Variants in KCNIP4 observed in about 807,000 individuals in gnomAD.
KCNIP4 encodes the protein Kv channel-interacting protein 4.
A neutral mutation model predicts 34.0 loss-of-function variants in KCNIP4; 12 were observed. The ratio of observed to expected loss-of-function variants is 0.35; its 90% CI spans 0.23 to 0.57. The LOEUF is 0.57. KCNIP4 is among the 20% of genes least tolerant of loss of function. The probability of loss-of-function intolerance (pLI) is 0.83; values close to 1 mark genes in which losing one functional copy is unlikely to be tolerated. For missense variants in KCNIP4, 238 were observed against 311.7 expected (o/e 0.76, Z 1.78); for synonymous variants, 124 against 102.2 (o/e 1.21, Z -1.29).
intron 1 of KCNIP4, among the ~76,000 whole-genome samples, chr4:21,339,314 T>C (rs963031088): frequency 3.9e-5 from 6 of 152,198 alleles, no homozygotes; most frequent in Admixed American, 2.6e-4. Context: ...TGTGAATAAA[T>C]TTAGAAGAAG....
intron 1 of KCNIP4, among the ~76,000 whole-genome samples, chr4:21,343,633 C>G (rs559600208): frequency 2.0e-5 from 3 of 152,198 alleles, no homozygotes; most frequent in South Asian, 2.1e-4. Flanking sequence ...TAGAAGCAGT[C>G]TTTCTCAAAT....
At chr4:21,696,120 A>G (rs1400726725) in intron 1 of KCNIP4, among the ~76,000 whole-genome samples, 1 of 152,168 alleles carries the variant, frequency 6.6e-6, no homozygotes, top group Non-Finnish European at 1.5e-5. Context: ...ATTAACAGGA[A>G]ATTAACATTA....
chr4:21,187,434 G>A (rs923549729), intron 1 of KCNIP4, among the ~76,000 whole-genome samples: 14 of 152,184 alleles, frequency 9.2e-5, no homozygotes, highest in Admixed American at 6.5e-5. Context: ...GTAAAGTGCT[G>A]TAACCTCTAA....
chr4:21,240,852 T>C (rs1260696303), intron 1 of KCNIP4, among the ~76,000 whole-genome samples: 1 of 152,206 alleles, frequency 6.6e-6, no homozygotes, highest in Admixed American at 6.5e-5. Context: ...CTTAAAAATT[T>C]ACATTTGCTT....
At chr4:21,881,617 CGCACACAGTATT>C (rs1726466686) in intron 1 of KCNIP4, among the ~76,000 whole-genome samples, 1 of 152,012 alleles carries the variant, frequency 6.6e-6, no homozygotes, top group Non-Finnish European at 1.5e-5. Context: ...CACGTTGATA[CGCACACAGTATT>C]AAGCAGAGTT....
intron 1 of KCNIP4, among the ~76,000 whole-genome samples, chr4:20,931,726 A>G (rs1170570758): frequency 1.3e-5 from 2 of 152,134 alleles, no homozygotes. Context: ...TAGAATCTTA[A>G]AAAAGAAGGT....
At chr4:21,070,707 G>T (rs1744826526) in intron 1 of KCNIP4, among the ~76,000 whole-genome samples, 1 of 83,008 alleles carries the variant, frequency 1.2e-5, no homozygotes. Flanking sequence ...ACAGAGTCTT[G>T]CTCTGTCTCC....
At chr4:21,661,955 A>C (rs903030043) in intron 1 of KCNIP4, among the ~76,000 whole-genome samples, 2 of 152,198 alleles carry the variant, frequency 1.3e-5, no homozygotes, top group Non-Finnish European at 2.9e-5. Flanking sequence ...TCGCTGTAAG[A>C]GAAAATTTTC....
chr4:21,591,532 G>A (rs1742221812), intron 1 of KCNIP4, among the ~76,000 whole-genome samples: 1 of 151,886 alleles, frequency 6.6e-6, no homozygotes, highest in African/African-American at 2.4e-5. Context: ...TCTAAATTAT[G>A]ATTGCCCTAT....
At chr4:21,287,926 A>G (rs931434550) in intron 1 of KCNIP4, among the ~76,000 whole-genome samples, 2 of 152,336 alleles carry the variant, frequency 1.3e-5, no homozygotes, top group South Asian at 2.1e-4. Flanking sequence ...TATAAAAGTA[A>G]TATTAATTTT....
At chr4:21,272,810 G>A (rs1762230975) in intron 1 of KCNIP4, among the ~76,000 whole-genome samples, 1 of 152,102 alleles carries the variant, frequency 6.6e-6, no homozygotes, top group South Asian at 2.1e-4. Context: ...CCATTAGGAT[G>A]ATGAAATGTA....
intron 2 of KCNIP4, among the ~76,000 whole-genome samples, chr4:20,875,769 A>G (rs539150503): frequency 5.9e-5 from 9 of 152,272 alleles, no homozygotes; most frequent in African/African-American, 2.2e-4. Context: ...AATGGGCAAC[A>G]TGTTGGCCAT....
intron 1 of KCNIP4, among the ~76,000 whole-genome samples, chr4:21,396,067 TCTATATATACATATATAAGA>T (rs1722964843): frequency 6.6e-6 from 1 of 151,098 alleles, no homozygotes; most frequent in Non-Finnish European, 1.5e-5. Flanking sequence ...CTATATATAG[TCTATATATACATATATAAGA>T]CTATGTAGAG....
At chr4:20,975,119 G>A (rs557032339) in intron 1 of KCNIP4, among the ~76,000 whole-genome samples, 1 of 152,294 alleles carries the variant, frequency 6.6e-6, no homozygotes, top group East Asian at 1.9e-4. Flanking sequence ...CCAGTAAAAG[G>A]AAAAGCTGGA....
chr4:21,144,302 T>C (rs1452779535), intron 1 of KCNIP4, among the ~76,000 whole-genome samples: 1 of 152,222 alleles, frequency 6.6e-6, no homozygotes, highest in East Asian at 1.9e-4. Context: ...ATCCTTGATG[T>C]ACTTATTTTA....
In KCNIP4 at chr4:21,311,609, A is replaced by C. The variant is rs1017633484; in HGVS notation, c.62-428900T>G. ...GAGGCTGAGGCGGGAGAATCGCTTG[A>C]ACCCAGGAGATGGAGGTTGCAGTGA... On this transcript the variant is annotated intron_variant, in intron 1 of 8. Transcript: ENST00000382152. 3.3e-5 allele frequency among the ~76,000 whole-genome samples: 5 copies of C among 152,232 alleles called. No individual in the cohort carries two copies. In the East Asian group the frequency reaches 9.7e-4, roughly 29 times the overall value.
chr4:21,841,173 A>G (rs1214289067), intron 1 of KCNIP4, among the ~76,000 whole-genome samples: 1 of 152,158 alleles, frequency 6.6e-6, no homozygotes. Flanking sequence ...TCTTTCTTAC[A>G]ATTCTCATAA....
chr4:21,172,176 C>A (rs555698857), intron 1 of KCNIP4, among the ~76,000 whole-genome samples: 2 of 151,984 alleles, frequency 1.3e-5, no homozygotes, highest in South Asian at 4.1e-4. Context: ...TATAGGTATG[C>A]GCCACCATGC....
At chr4:21,690,043 G>T (rs1466743075) in intron 1 of KCNIP4, among the ~76,000 whole-genome samples, 1 of 150,290 alleles carries the variant, frequency 6.7e-6, no homozygotes, top group Non-Finnish European at 1.5e-5. Context: ...GTAGGGACTT[G>T]CTAAAAACTG....
Sources: allele counts gnomAD v4.1 joint callset (sites outside exome capture counted in the v4.1 genomes callset), GRCh38; gene constraint gnomAD v4.1.1; transcripts MANE v1.5; gene names NCBI Gene and HGNC (gene_info 2026-07-23, HGNC 2026-07-21).